The following ABCB1 variants were observed in gnomAD, a reference collection of about 807,000 sequenced individuals.
ABCB1 encodes the protein ATP binding cassette subfamily B member 1, also known as ATP-dependent translocase ABCB1.
A neutral mutation model predicts 142.0 loss-of-function variants in ABCB1; 69 were observed. That is an observed-to-expected ratio of 0.49 (90% CI 0.40 to 0.59). ABCB1 has a LOEUF of 0.59. Among genes scored for constraint, ABCB1 ranks in the 20% least tolerant of loss-of-function variants. ABCB1 has a pLI of 0.00. For missense variants in ABCB1, 1,326 were observed against 1,554.7 expected (o/e 0.85, Z 2.47); for synonymous variants, 532 against 539.2 (o/e 0.99, Z 0.18).
At chr7:87,615,269 A>G (rs1415326723) in intron 1 of ABCB1, among the ~76,000 whole-genome samples, 1 of 152,160 alleles carries the variant, frequency 6.6e-6, no homozygotes, top group Non-Finnish European at 1.5e-5. Flanking sequence ...GGCTTCCTCA[A>G]TATTGGTTCA....
At chr7:87,644,680 G>A (rs1822803810) in intron 1 of ABCB1, among the ~76,000 whole-genome samples, 2 of 151,802 alleles carry the variant, frequency 1.3e-5, no homozygotes, top group South Asian at 4.2e-4. Flanking sequence ...AAGCATATTG[G>A]ATAAATGGCC....
At position 87,598,951 on chromosome 7, in the gene ABCB1, G is replaced by A. The variant is rs151275868; in HGVS notation, c.68+1166C>T. 6.2e-3 allele frequency among the ~76,000 whole-genome samples: 939 copies of A among 152,296 alleles called. 4 individuals carry two copies. The highest frequency in any genetic ancestry group is 0.014 in the South Asian group (67 of 4,826). ...TTCTTTTAGGGAGGAATGGTATTTA[G>A]AAACCCAGATCTGGTACTAACAGTG... On this transcript the variant is annotated intron_variant, in intron 2 of 27. Transcript: ENST00000622132.
In ABCB1 at chr7:87,585,672, A is replaced by G. The variant is rs200464820; in HGVS notation, c.126T>C (p.Tyr42=). ...PTVSVFSMFR[Y]SNWLDKLYMV... ...TATACAACTTGTCAAGCCAATTTGAATAGCGAAACTAAAAAGAGAGAAAAA... is the reference window on the plus strand; with the variant it reads ...TATACAACTTGTCAAGCCAATTTGAGTAGCGAAACTAAAAAGAGAGAAAAA... Residue 42 remains tyrosine, a synonymous_variant, in exon 4 of 28, where the codon TAT becomes TAC. Transcript: ENST00000622132. The G allele has an allele frequency of 1.1e-5, 18 of 1,613,750 alleles. No individual in the cohort carries two copies. Among genetic ancestry groups the G allele is most frequent in the Admixed American group, 1.7e-5 (1 of 60,006 alleles).
At chr7:87,653,419 G>C (rs1031060095) in intron 1 of ABCB1, among the ~76,000 whole-genome samples, 1 of 152,064 alleles carries the variant, frequency 6.6e-6, no homozygotes, top group African/African-American at 2.4e-5. Flanking sequence ...TACCACTTCA[G>C]CTAGCACAAA....
intron 19 of ABCB1, among the ~76,000 whole-genome samples, chr7:87,538,870 C>T (rs554219134): frequency 4.6e-5 from 7 of 151,616 alleles, no homozygotes; most frequent in Non-Finnish European, 8.8e-5. Flanking sequence ...TTTTGATTTG[C>T]GGAAAGAAAG....
intron 1 of ABCB1, among the ~76,000 whole-genome samples, chr7:87,637,756 G>C (rs145913306): frequency 7.8e-4 from 119 of 151,838 alleles, no homozygotes; most frequent in African/African-American, 2.7e-3. Flanking sequence ...TTAAAATACT[G>C]GTCTTATATC....
At chr7:87,702,169 A>AC in intron 1 of ABCB1, among the ~76,000 whole-genome samples, 1 of 149,906 alleles carries the variant, frequency 6.7e-6, no homozygotes, top group South Asian at 2.1e-4. Context: ...AAAAAAAAAA[A>AC]AAACAGAGAT....
chr7:87,514,667 C>G (rs1016312274), intron 25 of ABCB1, among the ~76,000 whole-genome samples: 2 of 152,180 alleles, frequency 1.3e-5, no homozygotes, highest in Admixed American at 1.3e-4. Context: ...TTTCCATCTT[C>G]TTGATAATCT....
intron 1 of ABCB1, among the ~76,000 whole-genome samples, chr7:87,670,060 T>C (rs1010691526): frequency 5.9e-5 from 9 of 152,356 alleles, no homozygotes; most frequent in African/African-American, 2.2e-4. Flanking sequence ...TCCTGAAATA[T>C]GTTTTCCAAG....
intron 1 of ABCB1, among the ~76,000 whole-genome samples, chr7:87,670,636 T>G (rs1356305477): frequency 2.0e-5 from 3 of 152,244 alleles, no homozygotes; most frequent in African/African-American, 7.2e-5. Flanking sequence ...AGATTAAGTA[T>G]AGTCAACAGA....
At chr7:87,595,278 G>A (rs1016528058) in intron 3 of ABCB1, among the ~76,000 whole-genome samples, 3 of 152,124 alleles carry the variant, frequency 2.0e-5, no homozygotes, top group Non-Finnish European at 2.9e-5. Flanking sequence ...TGAAATCATA[G>A]TAATAAATAA....
At chr7:87,566,640 G>T in intron 6 of ABCB1, 145 bp downstream of exon 6, 1 of 818,118 alleles carries the variant, frequency 1.2e-6, no homozygotes, top group Non-Finnish European at 2.0e-6. Context: ...GGATGCACAC[G>T]ACATTGTTGC....
intron 1 of ABCB1, among the ~76,000 whole-genome samples, chr7:87,648,325 T>C (rs1193450057): frequency 2.0e-5 from 3 of 152,034 alleles, no homozygotes; most frequent in Non-Finnish European, 4.4e-5. Context: ...AATCTAGATA[T>C]GCAGCCAAAG....
chr7:87,600,269 G>T (rs952240425), intron 1 of ABCB1, 79 bp from the exon 2 acceptor site: 3 of 1,208,880 alleles, frequency 2.5e-6, no homozygotes, highest in Non-Finnish European at 3.6e-6. Context: ...CTAGTCCCCC[G>T]TCGAAGCCAG....
At position 87,570,203 on chromosome 7, in the gene ABCB1, A is replaced by G. The variant is rs1817984825; in HGVS notation, c.307T>C (p.Phe103Leu). The change falls in exon 5 of 28, where the codon TTC becomes CTC. Residue 103 changes from phenylalanine (F) to leucine (L), a missense_variant. Physicochemically the swap from Phe to Leu is conservative, Grantham distance 22. Transcript: ENST00000622132. ...TNRSDINDTG[F>L]FMNLEEDMTR... ...ATGTCTTCCTCCAGATTCATGAAGA[A>G]CCCTGTATCATTGATATCACCTAGA... is the stretch of plus-strand genomic sequence containing the variant. 1 of 1,613,038 alleles carries G rather than the reference A, an allele frequency of 6.2e-7. No individual in the cohort carries two copies. The highest frequency in any genetic ancestry group is 1.7e-5 in the Admixed American group (1 of 60,006).
At chr7:87,624,200 CAT>C (rs1312780885) in intron 1 of ABCB1, among the ~76,000 whole-genome samples, 2 of 152,192 alleles carry the variant, frequency 1.3e-5, no homozygotes, top group African/African-American at 2.4e-5. Flanking sequence ...CTTTCACACA[CAT>C]GTGAGACGTG....
rs770853818 is a variant in ABCB1 at position 87,600,093 on chromosome 7, A to G, written c.68+24T>C. On this transcript the variant is annotated intron_variant, in intron 2 of 27. Transcript: ENST00000622132. Reference sequence around the variant, plus strand: ...CTCAAATCTCGCAACTATGTAAACTATGAAAATGAAACAAGCTAGTTACCT... The same window carrying G: ...CTCAAATCTCGCAACTATGTAAACTGTGAAAATGAAACAAGCTAGTTACCT... The G allele has an allele frequency of 5.0e-6, 8 of 1,596,698 alleles. No individual in the cohort carries two copies. In the East Asian group the frequency reaches 1.3e-4, roughly 27 times the overall value.
In ABCB1 at chr7:87,585,690, G is replaced by A. The variant is rs1395422890; in HGVS notation, c.118-10C>T. On this transcript the variant is annotated splice_polypyrimidine_tract_variant and intron_variant, in intron 3 of 27. Coordinates refer to ENST00000622132, the MANE Select transcript of ABCB1 (RefSeq NM_001348946.2). ...AATTTGAATAGCGAAACTAAAAAGA[G>A]AGAAAAAAGAATAGCAGAGGAAAAA... The A allele has an allele frequency of 6.2e-7, 1 of 1,612,676 alleles. No homozygotes were observed. Among genetic ancestry groups the A allele is most frequent in the Non-Finnish European group, 8.5e-7 (1 of 1,179,674 alleles).
At chr7:87,634,089 C>G (rs1821495037) in intron 1 of ABCB1, among the ~76,000 whole-genome samples, 1 of 152,020 alleles carries the variant, frequency 6.6e-6, no homozygotes, top group Non-Finnish European at 1.5e-5. Flanking sequence ...TCAACCTACT[C>G]TTCTAGGAAC....
Sources: allele counts gnomAD v4.1 joint callset (sites outside exome capture counted in the v4.1 genomes callset), GRCh38; gene constraint gnomAD v4.1.1; transcripts MANE v1.5; gene names NCBI Gene and HGNC (gene_info 2026-07-23, HGNC 2026-07-21).